The following KCNH7 variants were observed in gnomAD, a reference collection of about 807,000 sequenced individuals.
The protein encoded by KCNH7 is potassium voltage-gated channel subfamily H member 7, also known as voltage-gated inwardly rectifying potassium channel KCNH7.
Under a neutral mutation model 120.8 loss-of-function variants are expected in KCNH7, and 49 were observed. The observed-to-expected ratio is 0.41, with a 90% CI of 0.32 to 0.51. KCNH7 has a LOEUF of 0.51. Among genes scored for constraint, KCNH7 ranks in the 20% least tolerant of loss-of-function variants. The pLI is 0.38. For missense variants in KCNH7, 1,097 were observed against 1,446.6 expected (o/e 0.76, Z 3.92); for synonymous variants, 547 against 516.1 (o/e 1.06, Z -0.81).
chr2:162,668,036 T>C (rs1054829725), intron 2 of KCNH7, among the ~76,000 whole-genome samples: 2 of 152,224 alleles, frequency 1.3e-5, no homozygotes, highest in African/African-American at 4.8e-5. Context: ...TTCAACAGTA[T>C]ATCAGAAAAA....
At chr2:162,447,213 C>T (rs1688610029) in intron 6 of KCNH7, among the ~76,000 whole-genome samples, 1 of 151,960 alleles carries the variant, frequency 6.6e-6, no homozygotes, top group African/African-American at 2.4e-5. Flanking sequence ...GATTTATTCT[C>T]CTTATAAGGC....
intron 7 of KCNH7, among the ~76,000 whole-genome samples, chr2:162,442,340 T>G (rs1322441164): frequency 1.3e-5 from 2 of 151,870 alleles, no homozygotes; most frequent in African/African-American, 4.8e-5. Flanking sequence ...CATGTCTTCT[T>G]TAGTAAAAAC....
Position 162,604,447 on chromosome 2 carries a change from G to A in KCNH7, c.308-67367C>T, listed in dbSNP as rs533581964. The stretch of plus-strand genomic sequence containing the variant: ...CTTAGGTATTCCCACCCAATCCCAC[G>A]GTTTCAATGACCTCCTAGGTGTTAA... On this transcript the variant is annotated intron_variant, in intron 2 of 15. Transcript: ENST00000332142. Among the ~76,000 whole-genome samples, 11 of 152,078 alleles carry A rather than the reference G, an allele frequency of 7.2e-5. No individual in the cohort carries two copies. The East Asian group carries it at 1.2e-3, about 16-fold the overall frequency.
intron 8 of KCNH7, among the ~76,000 whole-genome samples, chr2:162,427,700 A>G (rs1687912450): frequency 6.6e-6 from 1 of 151,824 alleles, no homozygotes; most frequent in Non-Finnish European, 1.5e-5. Flanking sequence ...ATTAATTTTG[A>G]TGAAATCCAA....
intron 2 of KCNH7, among the ~76,000 whole-genome samples, chr2:162,811,213 T>C (rs1318875683): frequency 6.6e-6 from 1 of 152,166 alleles, no homozygotes; most frequent in Non-Finnish European, 1.5e-5. Context: ...TATTCTTCAT[T>C]AGATTTTATT....
intron 9 of KCNH7, among the ~76,000 whole-genome samples, chr2:162,422,888 T>C (rs1445209619): frequency 6.6e-6 from 1 of 152,172 alleles, no homozygotes; most frequent in African/African-American, 2.4e-5. Context: ...TCCTGACCTC[T>C]CCTATAAGTT....
At chr2:162,555,037 T>C (rs931556295) in intron 2 of KCNH7, among the ~76,000 whole-genome samples, 8 of 152,194 alleles carry the variant, frequency 5.3e-5, no homozygotes, top group Non-Finnish European at 1.2e-4. Context: ...TGTAAAAAGA[T>C]ATGTTGTGCA....
rs757562600 is a variant in KCNH7 at position 162,517,848 on chromosome 2, C to A, written c.774G>T (p.Leu258=). ...AGCTTTCCCTTGATCTGGAATGGGA[C>A]AGCTGGGAACTTGACTGCAGCATGT... ...YPDMLQSSSQ[L]SHSRSRESLC... The change falls in exon 4 of 16, where the codon CTG becomes CTT. Residue 258 remains leucine, a synonymous_variant. Coordinates refer to ENST00000332142, the MANE Select transcript of KCNH7 (RefSeq NM_033272.4). 1.9e-6 allele frequency: 3 copies of A among 1,612,348 alleles called. No individual in the cohort carries two copies. In the South Asian group the frequency reaches 3.3e-5, roughly 18 times the overall value.
At chr2:162,721,459 A>G (rs1159670411) in intron 2 of KCNH7, among the ~76,000 whole-genome samples, 2 of 152,108 alleles carry the variant, frequency 1.3e-5, no homozygotes, top group African/African-American at 4.8e-5. Flanking sequence ...TGCAGACACT[A>G]AGATTCTTCT....
chr2:162,829,781 GAA>G (rs5835922), intron 2 of KCNH7, among the ~76,000 whole-genome samples: 16 of 147,058 alleles, frequency 1.1e-4, no homozygotes, highest in Middle Eastern at 3.5e-3. Context: ...TTAAGAAAAT[GAA>G]AAAAAAAACA....
chr2:162,716,707 T>C lies in KCNH7; in HGVS notation c.307+119830A>G, dbSNP rs139249998. 2.6e-3 allele frequency among the ~76,000 whole-genome samples: 394 copies of C among 152,282 alleles called. 2 individuals are homozygous for C. The highest frequency in any genetic ancestry group is 9.0e-3 in the African/African-American group (375 of 41,566). ...TTCTTATACCCAGGGTATTTTATGC[T>C]ATAAGTTTATGTGAAGAAGGAGCAC... On this transcript the variant is annotated intron_variant, in intron 2 of 15. Transcript: ENST00000332142.
At chr2:162,481,228 C>T (rs758793284) in intron 6 of KCNH7, among the ~76,000 whole-genome samples, 1 of 152,136 alleles carries the variant, frequency 6.6e-6, no homozygotes, top group Admixed American at 6.6e-5. Context: ...AAACAGCATC[C>T]TTTTCAGATT....
At chr2:162,568,715 T>C (rs546730393) in intron 2 of KCNH7, among the ~76,000 whole-genome samples, 19 of 152,036 alleles carry the variant, frequency 1.2e-4, no homozygotes, top group Admixed American at 1.2e-3. Context: ...ATAAGAAATA[T>C]ATAAAAGAAA....
chr2:162,382,057 T>C (rs1686435438), intron 13 of KCNH7, among the ~76,000 whole-genome samples: 1 of 152,082 alleles, frequency 6.6e-6, no homozygotes, highest in Non-Finnish European at 1.5e-5. Context: ...TGAAGTTACA[T>C]GTTATGCTCA....
At chr2:162,490,620 A>C (rs1370495993) in intron 6 of KCNH7, among the ~76,000 whole-genome samples, 3 of 152,104 alleles carry the variant, frequency 2.0e-5, no homozygotes, top group Non-Finnish European at 4.4e-5. Context: ...CTGATGCAGC[A>C]CCAAACCTCT....
At chr2:162,792,475 G>A (rs1467647091) in intron 2 of KCNH7, among the ~76,000 whole-genome samples, 1 of 151,930 alleles carries the variant, frequency 6.6e-6, no homozygotes. Context: ...TTATTGGTCT[G>A]TTCAGGGATT....
At chr2:162,536,837 G>T in intron 3 of KCNH7, 88 bp downstream of exon 3, 1 of 1,173,488 alleles carries the variant, frequency 8.5e-7, no homozygotes, top group South Asian at 1.6e-5. Flanking sequence ...AAGATATTTT[G>T]AGAACTGAAT....
chr2:162,684,441 A>T (rs1685815811), intron 2 of KCNH7, among the ~76,000 whole-genome samples: 1 of 152,176 alleles, frequency 6.6e-6, no homozygotes, highest in African/African-American at 2.4e-5. Flanking sequence ...AATTTTTGCA[A>T]TCTACCCATC....
At chr2:162,652,149 G>A (rs964346024) in intron 2 of KCNH7, among the ~76,000 whole-genome samples, 2 of 152,120 alleles carry the variant, frequency 1.3e-5, no homozygotes, top group African/African-American at 4.8e-5. Context: ...TTACAAAGCA[G>A]TGAAATTTGA....
Sources: gnomAD v4.1 joint callset for allele counts (sites outside exome capture counted in the v4.1 genomes callset) on GRCh38, gnomAD v4.1.1 for gene constraint, MANE v1.5 for transcripts, NCBI Gene and HGNC (gene_info 2026-07-23, HGNC 2026-07-21) for gene names.